Variants in CREB5 observed in about 807,000 individuals in gnomAD.
CREB5 encodes the protein cAMP responsive element binding protein 5.
CREB5 carries 19 observed loss-of-function variants against 57.1 expected under a neutral mutation model. That is an observed-to-expected ratio of 0.33 (90% CI 0.23 to 0.49). The LOEUF (loss-of-function observed/expected upper bound fraction) is 0.49, where lower values mean the gene tolerates loss of function less well. Among genes scored for constraint, CREB5 ranks in the 20% least tolerant of loss-of-function variants. The pLI is 0.99. For missense variants in CREB5, 579 were observed against 671.6 expected (o/e 0.86, Z 1.52); for synonymous variants, 238 against 238.3 (o/e 1.00, Z 0.01).
intron 5 of CREB5, among the ~76,000 whole-genome samples, chr7:28,592,758 A>C (rs1242942642): frequency 6.6e-6 from 1 of 152,214 alleles, no homozygotes; most frequent in Non-Finnish European, 1.5e-5. Flanking sequence ...CTGAGATAAC[A>C]ATAGTGATCA....
intron 1 of CREB5, among the ~76,000 whole-genome samples, chr7:28,317,537 G>A (rs560620242): frequency 3.9e-5 from 6 of 152,330 alleles, no homozygotes; most frequent in Admixed American, 3.9e-4. Context: ...GAACACAGGA[G>A]CTAAAAGCAA....
At chr7:28,660,292 A>G (rs6972484) in intron 5 of CREB5, among the ~76,000 whole-genome samples, 7,895 of 152,222 alleles carry the variant, frequency 0.052, 711 homozygotes, top group African/African-American at 0.18. Flanking sequence ...CTTAGAAAGC[A>G]AAGAACCACT....
rs192463278 is a variant in CREB5, at chr7:28,369,203, G to A, written c.-25+69762G>A. Among the ~76,000 whole-genome samples, 5 of 152,338 alleles carry A rather than the reference G, an allele frequency of 3.3e-5. No individual in the cohort carries two copies. In the East Asian group the frequency reaches 9.7e-4, roughly 29 times the overall value. On this transcript the variant is annotated intron_variant, in intron 1 of 9. Coordinates refer to the CREB5 transcript ENST00000396299. Reference sequence around the variant, plus strand: ...ACATGTAGTAGTAGGTGCTCAATATGTAGTTGTTGAATAGACGCAGAAATT... The same window carrying A: ...ACATGTAGTAGTAGGTGCTCAATATATAGTTGTTGAATAGACGCAGAAATT...
At chr7:28,551,951 TTCTTTCTCTTTTTTA>T in intron 4 of CREB5, among the ~76,000 whole-genome samples, 3 of 141,916 alleles carry the variant, frequency 2.1e-5, no homozygotes, top group African/African-American at 8.9e-5. Context: ...CTCTTTTTTA[TTCTTTCTCTTTTTTA>T]TTCTCTCTTT....
intron 5 of CREB5, among the ~76,000 whole-genome samples, chr7:28,693,464 G>A (rs1801378973): frequency 6.6e-6 from 1 of 152,180 alleles, no homozygotes; most frequent in Non-Finnish European, 1.5e-5. Flanking sequence ...AGCCTTTTGG[G>A]CCTGTCTGCC....
chr7:28,716,295 A>G (rs1280672646), intron 5 of CREB5, among the ~76,000 whole-genome samples: 2 of 152,220 alleles, frequency 1.3e-5, no homozygotes, highest in African/African-American at 4.8e-5. Context: ...GTAAATGATG[A>G]TAATATGTTG....
At position 28,686,418 on chromosome 7, in the gene CREB5, G is replaced by T. The variant is rs144520754; in HGVS notation, c.465-32335G>T. On this transcript the variant is annotated intron_variant, in intron 5 of 10. Transcript: ENST00000357727. Reference sequence around the variant, plus strand: ...GAGGCATTTCTTTTCACTTCGATCAGAGTTTTTGTTCTAGCACAGAGACCT... The same window carrying T: ...GAGGCATTTCTTTTCACTTCGATCATAGTTTTTGTTCTAGCACAGAGACCT... Among the ~76,000 whole-genome samples the T allele has an allele frequency of 5.3e-5, 8 of 150,546 alleles. No homozygotes were observed. In the East Asian group the frequency reaches 1.6e-3, roughly 30 times the overall value.
At chr7:28,492,871 G>T (rs905709264) in intron 2 of CREB5, among the ~76,000 whole-genome samples, 2 of 151,932 alleles carry the variant, frequency 1.3e-5, no homozygotes, top group African/African-American at 4.8e-5. Context: ...AATCACACGT[G>T]GTAGTGCTAT....
Position 28,623,316 on chromosome 7 carries a change from T to A in CREB5, c.464+52779T>A, listed in dbSNP as rs146474897. Among the ~76,000 whole-genome samples the A allele has an allele frequency of 2.7e-3, 407 of 152,366 alleles. 2 individuals are homozygous for A. The highest frequency in any genetic ancestry group is 6.8e-3 in the Middle Eastern group (2 of 294). ...GTACCATGTACAGTCAAGCTAATCT[T>A]CCTGTTACCAAAAGTTTTGTCCTTG... On this transcript the variant is annotated intron_variant, in intron 5 of 10. Coordinates refer to ENST00000357727, the MANE Select transcript of CREB5 (RefSeq NM_182898.4).
intron 5 of CREB5, among the ~76,000 whole-genome samples, chr7:28,643,173 C>T (rs1008464231): frequency 6.6e-6 from 1 of 152,032 alleles, no homozygotes; most frequent in Admixed American, 6.5e-5. Context: ...TTTTTTCTCT[C>T]GCTCAATTTG....
chr7:28,800,754 G>C (rs761170407), intron 7 of CREB5, among the ~76,000 whole-genome samples: 3 of 152,164 alleles, frequency 2.0e-5, no homozygotes, highest in Non-Finnish European at 2.9e-5. Flanking sequence ...AGTAACACTT[G>C]CACGTGGCCA....
intron 1 of CREB5, among the ~76,000 whole-genome samples, chr7:28,309,752 A>G (rs1352880930): frequency 6.6e-6 from 1 of 152,142 alleles, no homozygotes; most frequent in Non-Finnish European, 1.5e-5. Flanking sequence ...CCAAACCTCT[A>G]TCCCTCCCTT....
intron 5 of CREB5, among the ~76,000 whole-genome samples, chr7:28,656,382 T>A (rs1463726164): frequency 6.6e-6 from 1 of 152,244 alleles, no homozygotes; most frequent in South Asian, 2.1e-4. Flanking sequence ...AATGTGATAA[T>A]GTGCTGTTTA....
At position 28,604,176 on chromosome 7, in the gene CREB5, C is replaced by G. The variant is rs572491590; in HGVS notation, c.464+33639C>G. 1.8e-4 allele frequency among the ~76,000 whole-genome samples: 28 copies of G among 152,232 alleles called. No individual in the cohort carries two copies. The South Asian group carries it at 5.6e-3, about 31-fold the overall frequency. The stretch of plus-strand genomic sequence containing the variant: ...GTCACCACCACAGGAAATGAGGAAT[C>G]AAGAACTATTTGTGAAGTATTGGCT... On this transcript the variant is annotated intron_variant, in intron 5 of 10. Coordinates refer to ENST00000357727, the MANE Select transcript of CREB5 (RefSeq NM_182898.4).
intron 1 of CREB5, among the ~76,000 whole-genome samples, chr7:28,422,180 C>A (rs1164990552): frequency 2.0e-5 from 3 of 151,946 alleles, no homozygotes; most frequent in Non-Finnish European, 4.4e-5. Flanking sequence ...ATTCTGTGGA[C>A]AAGAGGATAC....
Position 28,822,476 on chromosome 7 carries a change from T to C in CREB5, c.*3197T>C, listed in dbSNP as rs1809831739. The C allele has an allele frequency of 6.6e-6, 1 of 152,638 alleles. No homozygotes were observed. Among genetic ancestry groups the C allele is most frequent in the Non-Finnish European group, 1.5e-5 (1 of 68,064 alleles). The allele number at this position is 152,638 out of a possible 1,614,324, so 9.5% of individuals were successfully genotyped here. ...CCAGTTACTGGGTCACCCATCCATG[T>C]GTTCATGAATCAATCATCACGGCCT... On this transcript the variant is annotated 3_prime_UTR_variant, in exon 11 of 11. Transcript: ENST00000357727.
intron 7 of CREB5, among the ~76,000 whole-genome samples, chr7:28,790,457 AGAGATAGAGAGAGAG>A (rs1562642990): frequency 7.6e-4 from 27 of 35,760 alleles, no homozygotes; most frequent in Middle Eastern, 0.014. Context: ...AGAGAGAGAG[AGAGATAGAGAGAGAG>A]AGAAAGAAAG....
chr7:28,462,058 G>A (rs921209014), intron 1 of CREB5, among the ~76,000 whole-genome samples: 3 of 151,994 alleles, frequency 2.0e-5, no homozygotes, highest in Admixed American at 1.3e-4. Context: ...GTATCAATTA[G>A]CAGTCACTCC....
chr7:28,321,350 T>C (rs1342661819), intron 1 of CREB5, among the ~76,000 whole-genome samples: 1 of 152,164 alleles, frequency 6.6e-6, no homozygotes, highest in Non-Finnish European at 1.5e-5. Context: ...CTATATAATT[T>C]GTCGAGCACA....
Sources: allele counts gnomAD v4.1 joint callset (sites outside exome capture counted in the v4.1 genomes callset), GRCh38; gene constraint gnomAD v4.1.1; transcripts MANE v1.5; gene names NCBI Gene and HGNC (gene_info 2026-07-23, HGNC 2026-07-21).